The following FREM1 variants were observed in gnomAD, a reference collection of about 807,000 sequenced individuals.
FREM1 encodes the protein FRAS1 related extracellular matrix 1.
FREM1 carries 220 observed loss-of-function variants against 210.1 expected under a neutral mutation model. The ratio of observed to expected loss-of-function variants is 1.05; its 90% CI spans 0.94 to 1.17. The LOEUF is 1.17. FREM1 is among the 50% of genes most tolerant of loss of function. FREM1 has a pLI of 0.00. For missense variants in FREM1, 3,454 were observed against 2,675.5 expected (o/e 1.29, Z -6.42); for synonymous variants, 1,189 against 980.2 (o/e 1.21, Z -3.98).
chr9:14,808,691 A>G (rs1818819215), intron 16 of FREM1, among the ~76,000 whole-genome samples: 1 of 152,226 alleles, frequency 6.6e-6, no homozygotes, highest in Non-Finnish European at 1.5e-5. Context: ...GTTTTTAAAA[A>G]TAGCAACAGT....
At chr9:14,872,218 G>C (rs1832808985) in intron 1 of FREM1, among the ~76,000 whole-genome samples, 1 of 152,280 alleles carries the variant, frequency 6.6e-6, no homozygotes, top group African/African-American at 2.4e-5. Context: ...ATCATTGGTA[G>C]CTTGATGGGT....
At chr9:14,860,486 T>C (rs1829606561) in intron 3 of FREM1, among the ~76,000 whole-genome samples, 1 of 151,120 alleles carries the variant, frequency 6.6e-6, no homozygotes, top group Admixed American at 6.6e-5. Flanking sequence ...TTTTTTTCTT[T>C]TTTAAATTTA....
chr9:14,833,105 C>A (rs1823879937), intron 10 of FREM1, among the ~76,000 whole-genome samples: 1 of 152,076 alleles, frequency 6.6e-6, no homozygotes, highest in Non-Finnish European at 1.5e-5. Flanking sequence ...TGTGCTAAGT[C>A]AGTGCCTGGG....
chr9:14,757,701 A>G (rs2132211830), intron 28 of FREM1, among the ~76,000 whole-genome samples: 1 of 152,368 alleles, frequency 6.6e-6, no homozygotes. Context: ...GTACCTTCTG[A>G]CAAAAGAATG....
chr9:14,901,454 C>T (rs970146030), intron 1 of FREM1, among the ~76,000 whole-genome samples: 4 of 152,216 alleles, frequency 2.6e-5, no homozygotes, highest in Non-Finnish European at 4.4e-5. Context: ...CAATCTTGTT[C>T]GTTTCAGCCC....
At chr9:14,830,201 C>A (rs368318454) in intron 10 of FREM1, among the ~76,000 whole-genome samples, 1 of 152,152 alleles carries the variant, frequency 6.6e-6, no homozygotes, top group Non-Finnish European at 1.5e-5. Context: ...AGAACCCATT[C>A]CCACAAGAAA....
chr9:14,814,191 G>C (rs1030568115), intron 15 of FREM1, among the ~76,000 whole-genome samples: 2 of 151,980 alleles, frequency 1.3e-5, no homozygotes, highest in African/African-American at 4.8e-5. Flanking sequence ...CTAATTTAGG[G>C]GCTTCTATTA....
intron 3 of FREM1, among the ~76,000 whole-genome samples, chr9:14,861,116 TATAC>T (rs1197292941): frequency 9.3e-6 from 1 of 107,014 alleles, no homozygotes; most frequent in African/African-American, 4.9e-5. Flanking sequence ...TACACATATA[TATAC>T]ATATATACAC....
rs745565150 is a variant in FREM1 at position 14,823,165 on chromosome 9, G to C, written c.2332C>G (p.Pro778Ala). Reference protein sequence around the residue: ...ITILPVDNQVPEAFTNPLKVT... With the variant: ...ITILPVDNQVAEAFTNPLKVT... Reference sequence around the variant, plus strand: ...ATATAGAACATTGTACATACCTCAGGAACTTGATTGTCCACTGGGAGGATT... The same window carrying C: ...ATATAGAACATTGTACATACCTCAGCAACTTGATTGTCCACTGGGAGGATT... Residue 778 changes from proline (P) to alanine (A), a missense_variant, in exon 13 of 37, where the codon CCT becomes GCT. Physicochemically the swap from Pro to Ala is conservative, Grantham distance 27 (BLOSUM62 -1). Transcript: ENST00000380880. The C allele has an allele frequency of 6.2e-7, 1 of 1,612,802 alleles. No homozygotes were observed.
Position 14,860,546 on chromosome 9 carries a change from C to CATATATATATACACATAT in FREM1, c.330-1063_330-1062insATATGTGTATATATATAT, listed in dbSNP as rs374788202. ...CGTAGTAGGTATGTATATATATACA[C>CATATATATATACACATAT]ATATATATACACACATATATATACA... is the stretch of plus-strand genomic sequence containing the variant. On this transcript the variant is annotated intron_variant, in intron 3 of 36. Coordinates refer to ENST00000380880, the MANE Select transcript of FREM1 (RefSeq NM_001379081.2). Among the ~76,000 whole-genome samples the CATATATATATACACATAT allele has an allele frequency of 8.6e-5, 9 of 104,908 alleles. No individual in the cohort carries two copies. The East Asian group carries it at 1.5e-3, about 17-fold the overall frequency. The allele number at this position is 104,908 out of a possible 152,430, so 68.8% of individuals were successfully genotyped here.
chr9:14,836,096 T>C lies in FREM1; in HGVS notation c.1881+5351A>G, dbSNP rs183648820. Among the ~76,000 whole-genome samples the C allele has an allele frequency of 1.1e-4, 17 of 152,206 alleles. No homozygotes were observed. The stretch of plus-strand genomic sequence containing the variant: ...GCCCATAACTCTGAGCTTTCTTTGT[T>C]TGGGAAAATAAAACCAAGGAACTTC... On this transcript the variant is annotated intron_variant, in intron 10 of 36. Transcript: ENST00000380880. The surrounding 1 kb of genome is among the most constrained non-coding windows in gnomAD (Gnocchi z 4.9).
At chr9:14,883,464 T>C (rs1227213752) in intron 1 of FREM1, among the ~76,000 whole-genome samples, 1 of 152,168 alleles carries the variant, frequency 6.6e-6, no homozygotes, top group Non-Finnish European at 1.5e-5. Flanking sequence ...TATGTGGACA[T>C]TCCATGGAAA....
intron 1 of FREM1, among the ~76,000 whole-genome samples, chr9:14,898,562 C>T (rs1303386205): frequency 6.6e-6 from 1 of 151,926 alleles, no homozygotes; most frequent in Non-Finnish European, 1.5e-5. Context: ...GCCAACATGG[C>T]GAAACCTCGT....
At chr9:14,903,233 T>C (rs902598770) in intron 1 of FREM1, among the ~76,000 whole-genome samples, 1 of 152,224 alleles carries the variant, frequency 6.6e-6, no homozygotes, top group Non-Finnish European at 1.5e-5. Context: ...CAGTCATTCA[T>C]GAGACCAAAG....
chr9:14,873,055 G>A (rs1295128375), intron 1 of FREM1, among the ~76,000 whole-genome samples: 1 of 152,074 alleles, frequency 6.6e-6, no homozygotes, highest in Non-Finnish European at 1.5e-5. Flanking sequence ...TTGATGTGCT[G>A]CTGGATTCGG....
At chr9:14,879,787 T>G (rs560240760) in intron 1 of FREM1, among the ~76,000 whole-genome samples, 1 of 152,172 alleles carries the variant, frequency 6.6e-6, no homozygotes, top group African/African-American at 2.4e-5. Flanking sequence ...TGCATACATG[T>G]AGATGGAGAC....
Position 14,860,994 on chromosome 9 carries a change from T to C in FREM1, c.330-1510A>G, listed in dbSNP as rs796838854. Among the ~76,000 whole-genome samples, 453 of 102,664 alleles carry C rather than the reference T, an allele frequency of 4.4e-3. 79 individuals carry two copies. The highest frequency in any genetic ancestry group is 0.011 in the Middle Eastern group (1 of 90). The allele number at this position is 102,664 out of a possible 152,430, so 67.4% of individuals were successfully genotyped here. A position where few individuals can be genotyped will look rare whatever the true frequency, so the allele number is the denominator to read the frequency against. ...ATATACATATATACACATATATACA[T>C]ATATATACACATATATACATATATA... On this transcript the variant is annotated intron_variant, in intron 3 of 36. Transcript: ENST00000380880.
chr9:14,895,191 A>G (rs1837492527), intron 1 of FREM1, among the ~76,000 whole-genome samples: 1 of 152,212 alleles, frequency 6.6e-6, no homozygotes, highest in South Asian at 2.1e-4. Flanking sequence ...AGTTCCATTA[A>G]AGTCAATTTT....
chr9:14,833,513 A>G (rs1823971802), intron 10 of FREM1, among the ~76,000 whole-genome samples: 2 of 152,202 alleles, frequency 1.3e-5, no homozygotes, highest in Non-Finnish European at 2.9e-5. Flanking sequence ...GGTAGTTTCA[A>G]AAGCTGCCTA....
Sources: gnomAD v4.1 joint callset for allele counts (sites outside exome capture counted in the v4.1 genomes callset) on GRCh38, gnomAD v4.1.1 for gene constraint, Gnocchi (gnomAD v3.1) non-coding constraint, MANE v1.5 for transcripts, NCBI Gene and HGNC (gene_info 2026-07-23, HGNC 2026-07-21) for gene names.